Variants in USH2A observed in about 807,000 individuals in gnomAD.
USH2A encodes Usher syndrome 2A (autosomal recessive, mild).
USH2A carries 443 observed loss-of-function variants against 538.9 expected under a neutral mutation model. The observed-to-expected ratio is 0.82, with a 90% CI of 0.76 to 0.89. The LOEUF (loss-of-function observed/expected upper bound fraction) is 0.89, where lower values mean the gene tolerates loss of function less well. Ranked by LOEUF, USH2A falls within the 40% of genes least tolerant of loss-of-function variation. The pLI, the probability that USH2A is intolerant of heterozygous loss-of-function variation, is 0.00. For synonymous variants in USH2A, 2,413 were observed against 2,273.5 expected (o/e 1.06, Z -1.75); for missense variants, 6,633 against 6,324.8 (o/e 1.05, Z -1.65).
At chr1:216,352,928 T>A (rs1244415408) in intron 4 of USH2A, among the ~76,000 whole-genome samples, 2 of 151,772 alleles carry the variant, frequency 1.3e-5, no homozygotes, top group Non-Finnish European at 2.9e-5. Flanking sequence ...GACAGGAAAG[T>A]GAATGAATGA....
intron 64 of USH2A, among the ~76,000 whole-genome samples, chr1:215,666,768 T>G (rs529614224): frequency 6.6e-6 from 1 of 152,138 alleles, no homozygotes; most frequent in East Asian, 1.9e-4. Context: ...AAAAAGTGGG[T>G]TGTGGACTAT....
At chr1:215,700,997 G>A (rs991191859) in intron 61 of USH2A, among the ~76,000 whole-genome samples, 15 of 152,074 alleles carry the variant, frequency 9.9e-5, no homozygotes, top group African/African-American at 3.6e-4. Context: ...CAGAGATTCT[G>A]GTATGTTGTA....
intron 27 of USH2A, among the ~76,000 whole-genome samples, 153 bp from the exon 28 acceptor site, chr1:216,073,453 T>C (rs2031634992): frequency 6.6e-6 from 1 of 152,198 alleles, no homozygotes; most frequent in Admixed American, 6.5e-5. Context: ...CTTTTATGCC[T>C]CCTACTTTTT....
intron 69 of USH2A, among the ~76,000 whole-genome samples, chr1:215,637,429 C>T (rs756316263): frequency 3.9e-5 from 6 of 152,164 alleles, no homozygotes; most frequent in Non-Finnish European, 7.3e-5. Flanking sequence ...AAGAAAAAGT[C>T]CCAGGCCAGA....
chr1:216,189,766 C>T (rs1051006537), intron 20 of USH2A, among the ~76,000 whole-genome samples: 1 of 151,816 alleles, frequency 6.6e-6, no homozygotes, highest in Non-Finnish European at 1.5e-5. Context: ...AGAGCCAAGC[C>T]TACAAAAAAT....
chr1:215,978,099 C>T (rs932783055), intron 35 of USH2A, among the ~76,000 whole-genome samples: 4 of 152,108 alleles, frequency 2.6e-5, no homozygotes, highest in African/African-American at 9.7e-5. Flanking sequence ...TGCACTCCAG[C>T]CTGGGTGACA....
chr1:216,307,150 T>C (rs753794181), intron 9 of USH2A, among the ~76,000 whole-genome samples: 8 of 152,072 alleles, frequency 5.3e-5, no homozygotes, highest in Non-Finnish European at 1.0e-4. Flanking sequence ...ATGTCCTTTG[T>C]CTGGCTACGA....
At chr1:216,337,577 G>A (rs1011152744) in intron 4 of USH2A, among the ~76,000 whole-genome samples, 17 of 151,278 alleles carry the variant, frequency 1.1e-4, no homozygotes, top group African/African-American at 4.1e-4. Flanking sequence ...TTATTTAAAG[G>A]AAAAAATGTA....
At chr1:216,090,832 C>T (rs2032283275) in intron 22 of USH2A, among the ~76,000 whole-genome samples, 2 of 152,124 alleles carry the variant, frequency 1.3e-5, no homozygotes, top group South Asian at 4.1e-4. Context: ...TACTTCTTAG[C>T]ATACCCTTGC....
At chr1:216,268,941 A>G (rs2036526001) in intron 11 of USH2A, among the ~76,000 whole-genome samples, 1 of 152,140 alleles carries the variant, frequency 6.6e-6, no homozygotes, top group Non-Finnish European at 1.5e-5. Flanking sequence ...TTAACTTAGT[A>G]AATAAACTTA....
chr1:215,923,284 G>C (rs1174268333), intron 38 of USH2A, among the ~76,000 whole-genome samples: 1 of 152,006 alleles, frequency 6.6e-6, no homozygotes, highest in Non-Finnish European at 1.5e-5. Context: ...AACACTCAAG[G>C]GAAAGAGCTG....
chr1:216,234,657 C>T lies in USH2A; in HGVS notation c.2810-2521G>A, dbSNP rs905415892. On this transcript the variant is annotated intron_variant, in intron 13 of 71. Transcript: ENST00000307340. Reference sequence around the variant, plus strand: ...AGCTCTCCAATTTGGATAAATTACCCATTAGCACAGATACTTACAAGTAGA... The same window carrying T: ...AGCTCTCCAATTTGGATAAATTACCTATTAGCACAGATACTTACAAGTAGA... Among the ~76,000 whole-genome samples, 10 of 152,058 alleles carry T rather than the reference C, an allele frequency of 6.6e-5. 2 individuals carry two copies. Among genetic ancestry groups the T allele is most frequent in the South Asian group, 6.2e-4 (3 of 4,810 alleles).
intron 21 of USH2A, among the ~76,000 whole-genome samples, chr1:216,117,128 T>C (rs892484021): frequency 9.9e-5 from 15 of 152,154 alleles, no homozygotes; most frequent in East Asian, 1.9e-4. Context: ...TTGGTAGCCA[T>C]GGTTTAGTAA....
rs1405365787 is a variant in USH2A at position 216,073,244 on chromosome 1, C to A, written c.5629G>T (p.Ala1877Ser). Residue 1877 changes from alanine to serine, a missense_variant, in exon 28 of 72, where the codon GCA (alanine) becomes TCA (serine). By Grantham distance (99) the Ala-to-Ser change is moderately conservative (BLOSUM62 1). Transcript: ENST00000307340. ...CTGACAGCACCGCTGGACACAGATG[C>A]CAAGTTAACGACAGCACCCCGTGTA... is the stretch of plus-strand genomic sequence containing the variant. Reference protein sequence around the residue: ...KFTRGAVVNLASVSSGAVRVN... With the variant: ...KFTRGAVVNLSSVSSGAVRVN... The A allele has an allele frequency of 1.3e-5, 21 of 1,613,810 alleles. No homozygotes were observed. In the East Asian group the frequency reaches 4.5e-4, roughly 34 times the overall value.
chr1:216,048,447 G>A, intron 31 of USH2A, 87 bp downstream of exon 31: 3 of 1,364,822 alleles, frequency 2.2e-6, no homozygotes, highest in Non-Finnish European at 3.1e-6. Context: ...GGGTTTGCCA[G>A]CAAATGGCCT....
At chr1:215,760,107 T>C (rs1413293866) in intron 56 of USH2A, among the ~76,000 whole-genome samples, 2 of 152,236 alleles carry the variant, frequency 1.3e-5, no homozygotes, top group African/African-American at 2.4e-5. Context: ...GAGAGTATTT[T>C]AAATCAAGGC....
At chr1:216,283,832 C>T (rs116539891) in intron 11 of USH2A, among the ~76,000 whole-genome samples, 1,761 of 152,262 alleles carry the variant, frequency 0.012, 16 homozygotes, top group Non-Finnish European at 0.016. Context: ...CCCAGTCTTA[C>T]ATTCCTTTTT....
At chr1:215,626,494 T>C (rs1416954521) in intron 71 of USH2A, among the ~76,000 whole-genome samples, 1 of 152,018 alleles carries the variant, frequency 6.6e-6, no homozygotes, top group Non-Finnish European at 1.5e-5. Context: ...TTGTGCTCCA[T>C]TTCTTCCCAC....
At chr1:216,089,998 C>T (rs2032256681) in intron 22 of USH2A, among the ~76,000 whole-genome samples, 1 of 151,768 alleles carries the variant, frequency 6.6e-6, no homozygotes, top group African/African-American at 2.4e-5. Context: ...GCTACTAGTA[C>T]TACTATTAAA....
Sources: gnomAD v4.1 joint callset for allele counts (sites outside exome capture counted in the v4.1 genomes callset) on GRCh38, gnomAD v4.1.1 for gene constraint, MANE v1.5 for transcripts, NCBI Gene and HGNC (gene_info 2026-07-23, HGNC 2026-07-21) for gene names.